SND1: variants seen among roughly 807,000 people sequenced by gnomAD.
SND1 encodes the protein staphylococcal nuclease and tudor domain containing 1, also known as staphylococcal nuclease domain-containing protein 1.
In SND1, 38 loss-of-function variants were observed where a neutral mutation model predicts 121.7. The observed-to-expected ratio is 0.31, with a 90% confidence interval of 0.24 to 0.41. The LOEUF is 0.41. Ranked by LOEUF, SND1 falls within the 10% of genes least tolerant of loss-of-function variation. The pLI is 1.00. For missense variants in SND1, 868 were observed against 1,184.6 expected, an observed-to-expected ratio of 0.73 and a Z score of 3.92; for synonymous variants, 401 against 447.4, an observed-to-expected ratio of 0.90 and a Z score of 1.31.
At chr7:127,886,050 A>G (rs1320156228) in intron 12 of SND1, among the ~76,000 whole-genome samples, 2 of 152,146 alleles carry the variant, frequency 1.3e-5, no homozygotes, top group South Asian at 2.1e-4. Flanking sequence ...TGCCTTCTCC[A>G]TGCTGCCAAA....
At position 128,029,313 on chromosome 7, in the gene SND1, G is replaced by A. The variant is rs749810617; in HGVS notation, c.1779+38257G>A. 30 of 1,614,044 alleles carry A rather than the reference G, an allele frequency of 1.9e-5. No homozygotes were observed. The highest frequency in any genetic ancestry group is 2.5e-5 in the Non-Finnish European group (29 of 1,180,036). On this transcript the variant is annotated intron_variant, in intron 16 of 23. Coordinates refer to ENST00000354725, the MANE Select transcript of SND1 (RefSeq NM_014390.4). The surrounding 1 kb of genome is among the most constrained non-coding windows in gnomAD (Gnocchi z 4.2). ...GTAGTTGGAGGTGTTAAGCTCAGCCGTGCTCACATTGAGGTAGGCCGAGGC... is the reference window on the plus strand; with the variant it reads ...GTAGTTGGAGGTGTTAAGCTCAGCCATGCTCACATTGAGGTAGGCCGAGGC...
intron 16 of SND1, among the ~76,000 whole-genome samples, chr7:128,011,442 C>T (rs1803115534): frequency 6.6e-6 from 1 of 152,170 alleles, no homozygotes; most frequent in Admixed American, 6.5e-5. Flanking sequence ...CATTTTAATG[C>T]TTTTGTTTTC....
intron 10 of SND1, among the ~76,000 whole-genome samples, chr7:127,791,456 C>CT (rs1035671606): frequency 4.0e-5 from 6 of 151,728 alleles, no homozygotes; most frequent in Admixed American, 2.0e-4. Context: ...CCCAACGTTA[C>CT]TTTTTTTTAA....
chr7:127,839,107 T>C (rs1798918459), intron 11 of SND1, among the ~76,000 whole-genome samples: 1 of 152,194 alleles, frequency 6.6e-6, no homozygotes, highest in South Asian at 2.1e-4. Flanking sequence ...TCCGTGTTCT[T>C]ATCGAGCCTA....
intron 15 of SND1, among the ~76,000 whole-genome samples, chr7:127,959,859 A>G (rs2116868625): frequency 6.6e-6 from 1 of 152,200 alleles, no homozygotes; most frequent in East Asian, 1.9e-4. Context: ...TATTTGTTGA[A>G]TGAATTGGCT....
chr7:127,811,466 T>A (rs1004084433), intron 11 of SND1, among the ~76,000 whole-genome samples: 6 of 152,194 alleles, frequency 3.9e-5, no homozygotes, highest in African/African-American at 1.4e-4. Flanking sequence ...CCCCATTATC[T>A]ATTGCTATCA....
chr7:127,914,634 C>A (rs1394048728), intron 14 of SND1, among the ~76,000 whole-genome samples: 1 of 152,124 alleles, frequency 6.6e-6, no homozygotes, highest in Non-Finnish European at 1.5e-5. Context: ...ACAGCATGAA[C>A]TTGTATTTGG....
intron 14 of SND1, among the ~76,000 whole-genome samples, chr7:127,927,260 G>GTAGAAGTC (rs1277149239): frequency 6.6e-6 from 1 of 152,192 alleles, no homozygotes; most frequent in Non-Finnish European, 1.5e-5. Flanking sequence ...ATAGTGATGA[G>GTAGAAGTC]TAGAAGTCTA....
intron 11 of SND1, among the ~76,000 whole-genome samples, chr7:127,819,878 C>T (rs1798516292): frequency 6.6e-6 from 1 of 152,208 alleles, no homozygotes; most frequent in Admixed American, 6.5e-5. Context: ...ACACAAACCC[C>T]TGAGTCCTGT....
chr7:127,881,521 C>G (rs571522179), intron 12 of SND1, among the ~76,000 whole-genome samples: 50 of 152,068 alleles, frequency 3.3e-4, no homozygotes, highest in Non-Finnish European at 5.6e-4. Flanking sequence ...TTCAAAGTCA[C>G]AGAATGCATG....
chr7:127,659,944 ATACCTT>A (rs2116230704), intron 1 of SND1, among the ~76,000 whole-genome samples: 1 of 151,974 alleles, frequency 6.6e-6, no homozygotes, highest in South Asian at 2.1e-4. Flanking sequence ...GAGAAATCTC[ATACCTT>A]AACGGCTTGA....
rs554481013 is a variant in SND1 at position 127,844,328 on chromosome 7, A to G, written c.1247A>G (p.Asn416Ser). 114 of 1,612,794 alleles carry G rather than the reference A, an allele frequency of 7.1e-5. No homozygotes were observed. The East Asian group carries it at 1.2e-3, about 17-fold the overall frequency. ...CCCTTGATTCTTTGTTTCCAGGTCAATGTGACGGTGGACTACATTAGACCA... is the reference window on the plus strand; with the variant it reads ...CCCTTGATTCTTTGTTTCCAGGTCAGTGTGACGGTGGACTACATTAGACCA... ...LRKKLIGKKVNVTVDYIRPAS... is the reference protein window; with the variant it reads ...LRKKLIGKKVSVTVDYIRPAS... Residue 416 changes from asparagine to serine, a missense_variant, in exon 12 of 24, where the codon AAT (asparagine) becomes AGT (serine). Coordinates refer to ENST00000354725, the MANE Select transcript of SND1 (RefSeq NM_014390.4).
At chr7:127,816,493 G>A (rs749495731) in intron 11 of SND1, among the ~76,000 whole-genome samples, 2 of 152,002 alleles carry the variant, frequency 1.3e-5, no homozygotes, top group Non-Finnish European at 2.9e-5. Flanking sequence ...CAACAAGTGG[G>A]CTGGGCTGAA....
chr7:127,802,378 C>T (rs1187171925), intron 10 of SND1, among the ~76,000 whole-genome samples: 1 of 152,144 alleles, frequency 6.6e-6, no homozygotes, highest in Non-Finnish European at 1.5e-5. Context: ...GGCTTTTACC[C>T]CTAGTGCTCT....
At chr7:127,993,500 T>C (rs1249786504) in intron 16 of SND1, among the ~76,000 whole-genome samples, 1 of 152,240 alleles carries the variant, frequency 6.6e-6, no homozygotes, top group Non-Finnish European at 1.5e-5. Context: ...CATGCAGCTC[T>C]TACCTTCCAG....
intron 13 of SND1, among the ~76,000 whole-genome samples, chr7:127,893,954 C>G (rs531609732): frequency 6.6e-6 from 1 of 152,074 alleles, no homozygotes; most frequent in Non-Finnish European, 1.5e-5. Flanking sequence ...CCCATAAGCA[C>G]CAGTCTCTTG....
chr7:127,771,428 C>T (rs1797511130), intron 10 of SND1, among the ~76,000 whole-genome samples: 1 of 152,152 alleles, frequency 6.6e-6, no homozygotes, highest in Admixed American at 6.5e-5. Context: ...ACTCTTAACT[C>T]ATTGAGGTCT....
intron 10 of SND1, among the ~76,000 whole-genome samples, chr7:127,730,288 C>T (rs369376699): frequency 1.3e-5 from 2 of 152,200 alleles, no homozygotes; most frequent in East Asian, 3.8e-4. Flanking sequence ...AGCTCTTAGT[C>T]TCACCATCTA....
Position 128,029,848 on chromosome 7 carries a change from G to A in SND1, c.1779+38792G>A, listed in dbSNP as rs1240565450. The A allele has an allele frequency of 6.2e-7, 1 of 1,613,530 alleles. No homozygotes were observed. The highest frequency in any genetic ancestry group is 8.5e-7 in the Non-Finnish European group (1 of 1,180,028). ...AAGTTGAGTTCCACAAGTGAAGCCA[G>A]CCCGTCAAAAGCATTCCGCTCAATC... On this transcript the variant is annotated intron_variant, in intron 16 of 23. Coordinates refer to ENST00000354725, the MANE Select transcript of SND1 (RefSeq NM_014390.4). This position sits in a 1 kb window ranked among gnomAD's most constrained non-coding sequence, Gnocchi z 4.2.
Sources: allele counts gnomAD v4.1 joint callset (sites outside exome capture counted in the v4.1 genomes callset), GRCh38; gene constraint gnomAD v4.1.1; non-coding constraint Gnocchi (gnomAD v3.1); transcripts MANE v1.5; gene names NCBI Gene and HGNC (gene_info 2026-07-23, HGNC 2026-07-21).